The following RYR3 variants were observed in gnomAD, a reference collection of about 807,000 sequenced individuals.
RYR3 encodes ryanodine receptor 3.
A neutral mutation model predicts 584.3 loss-of-function variants in RYR3; 207 were observed. The ratio of observed to expected loss-of-function variants is 0.35; its 90% confidence interval spans 0.32 to 0.40. The LOEUF is 0.40. RYR3 is among the 10% of genes least tolerant of loss of function. The pLI, the probability that RYR3 is intolerant of heterozygous loss-of-function variation, is 1.00. For missense variants in RYR3, 5,616 were observed against 6,089.2 expected, an observed-to-expected ratio of 0.92 and a Z score of 2.59; for synonymous variants, 2,416 against 2,248.5, an observed-to-expected ratio of 1.07 and a Z score of -2.11.
intron 94 of RYR3, chr15:33,851,502 CT>C (rs1174016914): frequency 7.9e-5 from 12 of 152,128 alleles, no homozygotes; most frequent in Non-Finnish European, 1.8e-4. Context: ...TATTTATGCA[CT>C]TTCCTTCTGA....
intron 12 of RYR3, among the ~76,000 whole-genome samples, chr15:33,569,048 G>T (rs2057875407): frequency 6.6e-6 from 1 of 152,176 alleles, no homozygotes; most frequent in African/African-American, 2.4e-5. Flanking sequence ...GTATGTGTGT[G>T]TAGAGTGAAA....
At chr15:33,836,782 AAGCTCTTTCCCGACACTGATGC>A in intron 87 of RYR3, 102 bp from the exon 88 acceptor site, 1 of 642,224 alleles carries the variant, frequency 1.6e-6, no homozygotes, top group Non-Finnish European at 2.7e-6. Context: ...AATGAGAAGG[AAGCTCTTTCCCGACACTGATGC>A]AGCCTGCACC....
At chr15:33,425,627 G>A (rs1262732535) in intron 1 of RYR3, among the ~76,000 whole-genome samples, 2 of 149,386 alleles carry the variant, frequency 1.3e-5, no homozygotes, top group East Asian at 4.1e-4. Context: ...CTACTAGGTT[G>A]AGACTCACAA....
intron 16 of RYR3, among the ~76,000 whole-genome samples, chr15:33,596,504 G>A (rs977281450): frequency 6.9e-6 from 1 of 143,998 alleles, no homozygotes; most frequent in Non-Finnish European, 1.5e-5. Flanking sequence ...TTGGGGGGGG[G>A]GGATTTCTGA....
chr15:33,794,974 A>G (rs562838483), intron 67 of RYR3, among the ~76,000 whole-genome samples: 2 of 152,328 alleles, frequency 1.3e-5, no homozygotes, highest in East Asian at 3.9e-4. Context: ...CATGCATGCA[A>G]TCCCATTCTG....
At position 33,330,846 on chromosome 15, in the gene RYR3, A is replaced by G. The variant is rs1466965286; in HGVS notation, c.51+19750A>G. ...AAACTTAGAACTTAAAAGCTGTGAA[A>G]TGTTAGTTTTCACAGGATTCTCTTA... On this transcript the variant is annotated intron_variant, in intron 1 of 103. Transcript: ENST00000634891. Among the ~76,000 whole-genome samples, 6 of 152,250 alleles carry G rather than the reference A, an allele frequency of 3.9e-5. No individual in the cohort carries two copies. The East Asian group carries it at 1.2e-3, about 29-fold the overall frequency.
At chr15:33,366,546 A>G (rs1975524238) in intron 1 of RYR3, among the ~76,000 whole-genome samples, 1 of 152,230 alleles carries the variant, frequency 6.6e-6, no homozygotes, top group Non-Finnish European at 1.5e-5. Flanking sequence ...TCTGAACAAG[A>G]ATTAAGGGTT....
At chr15:33,590,073 T>C (rs1004506599) in intron 16 of RYR3, among the ~76,000 whole-genome samples, 2 of 151,840 alleles carry the variant, frequency 1.3e-5, no homozygotes, top group African/African-American at 2.4e-5. Flanking sequence ...CAAAGGGGGT[T>C]GTTCTCTTGT....
At position 33,848,293 on chromosome 15, in the gene RYR3, G is replaced by A. The variant is rs776427665; in HGVS notation, c.13500G>A (p.Val4500=). 2.4e-5 allele frequency: 39 copies of A among 1,613,408 alleles called. No homozygotes were observed. Among genetic ancestry groups the A allele is most frequent in the Non-Finnish European group, 3.3e-5 (39 of 1,179,882 alleles). ...VCVVGYYCLK[V]PLVVFKREKE... ...AACCATCCTCCTCCCACTCCTAGGT[G>A]CCTTTGGTGGTTTTCAAAAGGGAAA... Residue 4500 remains valine (V), a splice_region_variant and synonymous_variant, in exon 94 of 104, where the codon GTG becomes GTA. Coordinates refer to ENST00000634891, the MANE Select transcript of RYR3 (RefSeq NM_001036.6).
chr15:33,816,799 C>A, intron 74 of RYR3, 63 bp from the exon 75 acceptor site: 2 of 1,108,876 alleles, frequency 1.8e-6, no homozygotes, highest in South Asian at 1.4e-5. Context: ...CCATTAACTG[C>A]CCAAACTAAA....
chr15:33,736,213 C>T (rs765027455), intron 48 of RYR3, 22 bp from the exon 49 acceptor site: 18 of 1,471,054 alleles, frequency 1.2e-5, no homozygotes, highest in South Asian at 5.8e-5. Flanking sequence ...TATTTATCTA[C>T]GTTTGTCATT....
At chr15:33,539,504 T>G in intron 6 of RYR3, 42 bp downstream of exon 6, 1 of 1,337,370 alleles carries the variant, frequency 7.5e-7, no homozygotes, top group South Asian at 1.3e-5. Flanking sequence ...TTTCAGAAAT[T>G]TTTCCTTTAG....
At chr15:33,769,063 G>A (rs2073352856) in intron 61 of RYR3, 49 bp from the exon 62 acceptor site, 1 of 1,413,198 alleles carries the variant, frequency 7.1e-7, no homozygotes, top group Admixed American at 1.7e-5. Flanking sequence ...GCATTTGAAA[G>A]ACAGGCTGAG....
At chr15:33,657,454 T>C (rs1031866464) in intron 32 of RYR3, among the ~76,000 whole-genome samples, 3 of 152,244 alleles carry the variant, frequency 2.0e-5, no homozygotes, top group African/African-American at 7.2e-5. Flanking sequence ...TCCCTTCAGT[T>C]TGCAGTGACT....
intron 17 of RYR3, among the ~76,000 whole-genome samples, chr15:33,602,238 G>T (rs2059698474): frequency 6.6e-6 from 1 of 152,246 alleles, no homozygotes; most frequent in African/African-American, 2.4e-5. Context: ...CATGGTGCCA[G>T]CCTGGTTTTT....
rs1365630464 is a variant in RYR3, at chr15:33,652,868, G to A, written c.4293G>A (p.Leu1431=). 1 of 1,611,036 alleles carries A rather than the reference G, an allele frequency of 6.2e-7. No individual in the cohort carries two copies. The highest frequency in any genetic ancestry group is 8.5e-7 in the Non-Finnish European group (1 of 1,178,494). ...CCTTCTCAGCCAATGGAAAGGAACT[G>A]GGCACCTGCTACCAGGTAAGGGCGG... ...MLSFSANGKE[L]GTCYQVEPNT... is the part of the protein sequence containing the mutation. The change falls in exon 32 of 104, where the codon CTG becomes CTA. Residue 1431 remains leucine (L), a synonymous_variant. Coordinates refer to ENST00000634891, the MANE Select transcript of RYR3 (RefSeq NM_001036.6).
intron 39 of RYR3, among the ~76,000 whole-genome samples, chr15:33,697,303 T>C (rs191472351): frequency 1.3e-5 from 2 of 152,260 alleles, no homozygotes; most frequent in East Asian, 1.9e-4. Context: ...GGGAAGACAA[T>C]ACAGTTAGAT....
intron 1 of RYR3, among the ~76,000 whole-genome samples, chr15:33,468,514 A>G (rs1030103366): frequency 1.3e-5 from 2 of 152,178 alleles, no homozygotes; most frequent in South Asian, 2.1e-4. Flanking sequence ...TTATTCAATT[A>G]TTCAGTTCTG....
intron 17 of RYR3, 29 bp from the exon 18 acceptor site, chr15:33,603,094 A>G: frequency 1.9e-6 from 3 of 1,611,914 alleles, no homozygotes; most frequent in Non-Finnish European, 2.5e-6. Flanking sequence ...AAGGGTGTGT[A>G]GATGCCACTT....
Sources: allele counts gnomAD v4.1 joint callset (sites outside exome capture counted in the v4.1 genomes callset), GRCh38; gene constraint gnomAD v4.1.1; transcripts MANE v1.5; gene names NCBI Gene and HGNC (gene_info 2026-07-23, HGNC 2026-07-21).